SLC2A7: variants seen among roughly 807,000 people sequenced by gnomAD.
SLC2A7 encodes the protein solute carrier family 2, facilitated glucose transporter member 7.
A neutral mutation model predicts 50.5 loss-of-function variants in SLC2A7; 50 were observed. The ratio of observed to expected loss-of-function variants is 0.99; its 90% CI spans 0.79 to 1.25. SLC2A7 has a LOEUF of 1.25. SLC2A7 is among the 50% of genes most tolerant of loss of function. SLC2A7 has a pLI of 0.00. For missense variants in SLC2A7, 683 were observed against 679.1 expected (o/e 1.01, Z -0.06); for synonymous variants, 308 against 300.4 (o/e 1.03, Z -0.26).
downstream of SLC2A7, among the ~76,000 whole-genome samples, chr1:9,002,229 C>A (rs1293865527): frequency 2.0e-5 from 3 of 152,110 alleles, no homozygotes; most frequent in African/African-American, 7.2e-5. Context: ...CGTCCCCCAG[C>A]CCGACACCCG....
chr1:9,025,417 C>T (rs537822066), intron 1 of SLC2A7, among the ~76,000 whole-genome samples: 13 of 152,332 alleles, frequency 8.5e-5, no homozygotes, highest in African/African-American at 3.1e-4. Flanking sequence ...GGAGCCCACC[C>T]CGTCCAAGAA....
chr1:8,995,080 G>A, the SLC2A7 span, among the ~76,000 whole-genome samples: 7 of 150,780 alleles, frequency 4.6e-5, no homozygotes, highest in Non-Finnish European at 8.9e-5. Flanking sequence ...CAGATCTCCT[G>A]ATTATTTTCA....
At chr1:8,993,920 C>A in the SLC2A7 span, among the ~76,000 whole-genome samples, 1 of 152,208 alleles carries the variant, frequency 6.6e-6, no homozygotes, top group Non-Finnish European at 1.5e-5. Flanking sequence ...AGCCACAGCG[C>A]CTGGCCACCC....
intron 10 of SLC2A7, among the ~76,000 whole-genome samples, chr1:9,006,899 G>A (rs1211345654): frequency 2.0e-5 from 3 of 152,200 alleles, no homozygotes; most frequent in Admixed American, 2.0e-4. Flanking sequence ...GACTGTAGCT[G>A]GCAGTCAGCG....
chr1:9,009,353 G>A (rs66463959), intron 9 of SLC2A7, among the ~76,000 whole-genome samples: 25,048 of 152,190 alleles, frequency 0.16, 2,244 homozygotes, highest in Admixed American at 0.2. Flanking sequence ...TCCGTAGAAC[G>A]TGGATAATAC....
rs1439838773 is a variant in SLC2A7 at position 9,008,901 on chromosome 1, C to T, written c.1116+1242G>A. On this transcript the variant is annotated intron_variant, in intron 9 of 11. Transcript: ENST00000400906. This position sits in a 1 kb window ranked among gnomAD's most constrained non-coding sequence, Gnocchi z 5.9. ...GTGAGCCACTGCGTCTGGCTGAGAA[C>T]TTATACTGGTTTTAAAATTAAAGAA... is the stretch of plus-strand genomic sequence containing the variant. Among the ~76,000 whole-genome samples the T allele has an allele frequency of 1.3e-5, 2 of 152,178 alleles. No individual in the cohort carries two copies. Among genetic ancestry groups the T allele is most frequent in the Non-Finnish European group, 2.9e-5 (2 of 68,028 alleles).
rs762447276 is a variant in SLC2A7, at chr1:9,018,358, G to A, written c.454C>T (p.Leu152Phe). 3.1e-6 allele frequency: 5 copies of A among 1,614,208 alleles called. No individual in the cohort carries two copies. In the Admixed American group the frequency reaches 8.3e-5, roughly 27 times the overall value. ...GCCAGTTCTCCCAGGTACATGGGAAGGGCGCTGTAGGAGATGCCTGGTTTG... is the reference window on the plus strand; with the variant it reads ...GCCAGTTCTCCCAGGTACATGGGAAAGGCGCTGTAGGAGATGCCTGGTTTG... ...GVCAGISYSA[L>F]PMYLGELAPK... Residue 152 changes from leucine to phenylalanine, a missense_variant, in exon 5 of 12, where the codon CTT (leucine) becomes TTT (phenylalanine). Transcript: ENST00000400906.
chr1:9,010,086 G>A, intron 9 of SLC2A7, 57 bp downstream of exon 9: 8 of 1,499,876 alleles, frequency 5.3e-6, no homozygotes, highest in Middle Eastern at 1.7e-4. Context: ...GTTCAGTCAG[G>A]GGACCTCCCA....
At chr1:9,007,676 A>G (rs564414279) in intron 9 of SLC2A7, among the ~76,000 whole-genome samples, 1 of 151,886 alleles carries the variant, frequency 6.6e-6, no homozygotes, top group South Asian at 2.1e-4. Context: ...TTTACAAATC[A>G]CAAATATTAA....
intron 3 of SLC2A7, 35 bp from the exon 4 acceptor site, chr1:9,019,368 G>GT (rs766664967): frequency 3.1e-6 from 5 of 1,610,720 alleles, no homozygotes; most frequent in African/African-American, 1.3e-5. Context: ...GCAGGGGTGC[G>GT]TGGAGGCCGC....
At chr1:9,015,274 G>A (rs1440959590) in intron 5 of SLC2A7, 32 bp from the exon 6 acceptor site, 1 of 1,546,736 alleles carries the variant, frequency 6.5e-7, no homozygotes, top group Admixed American at 1.9e-5. Flanking sequence ...GGATCCCGGG[G>A]CCTGGGCACC....
intron 9 of SLC2A7, among the ~76,000 whole-genome samples, chr1:9,009,583 A>T (rs1640712879): frequency 6.6e-6 from 1 of 152,156 alleles, no homozygotes; most frequent in African/African-American, 2.4e-5. Context: ...CAGCTTCCTG[A>T]GTAGCTGGGA....
rs1256811281 is a variant in SLC2A7, at chr1:9,007,176, A to G, written c.1192+134T>C. The G allele has an allele frequency of 1.7e-5, 17 of 987,500 alleles. 1 individual carries two copies. Among genetic ancestry groups the G allele is most frequent in the Non-Finnish European group, 2.6e-5 (17 of 641,916 alleles). 61.2% of individuals were successfully genotyped at this position (987,500 alleles called of 1,614,324 possible). A position where few individuals can be genotyped will look rare whatever the true frequency, so the allele number is the denominator to read the frequency against. On this transcript the variant is annotated intron_variant, in intron 10 of 11. Coordinates refer to ENST00000400906, the MANE Select transcript of SLC2A7 (RefSeq NM_207420.3). ...GTGCCATCAAGGCTGAGAACTAAGA[A>G]CGTGTGGGATCTGCGTGAGCACGGG... is the stretch of plus-strand genomic sequence containing the variant.
At chr1:8,994,626 C>A in the SLC2A7 span, among the ~76,000 whole-genome samples, 2 of 152,154 alleles carry the variant, frequency 1.3e-5, no homozygotes, top group Admixed American at 1.3e-4. Flanking sequence ...ACCTCTGTGG[C>A]AGGTGACGGA....
chr1:9,024,885 G>T, intron 2 of SLC2A7, 91 bp downstream of exon 2: 1 of 1,427,900 alleles, frequency 7.0e-7, no homozygotes, highest in Non-Finnish European at 9.8e-7. Context: ...AGGCAAGATG[G>T]CAGCCTCCAC....
rs529526908 is a variant in SLC2A7, at chr1:9,008,744, A to C, written c.1117-1359T>G. ...CCCGAGTAACTGGGATTACAGGCAC[A>C]CGCCACCACACCCGACTAAATTTTG... On this transcript the variant is annotated intron_variant, in intron 9 of 11. Coordinates refer to ENST00000400906, the MANE Select transcript of SLC2A7 (RefSeq NM_207420.3). This position sits in a 1 kb window ranked among gnomAD's most constrained non-coding sequence, Gnocchi z 5.9. Among the ~76,000 whole-genome samples, 1 of 151,854 alleles carries C rather than the reference A, an allele frequency of 6.6e-6. No homozygotes were observed. Among genetic ancestry groups the C allele is most frequent in the African/African-American group, 2.4e-5 (1 of 41,314 alleles).
intron 8 of SLC2A7, among the ~76,000 whole-genome samples, chr1:9,011,573 A>G (rs2124247723): frequency 6.6e-6 from 1 of 152,114 alleles, no homozygotes; most frequent in East Asian, 1.9e-4. Context: ...CATTGAGGCC[A>G]TCTGGAATCT....
chr1:9,019,375 C>T (rs534427749), intron 3 of SLC2A7, 42 bp from the exon 4 acceptor site: 1 of 1,606,780 alleles, frequency 6.2e-7, no homozygotes, highest in East Asian at 2.2e-5. Context: ...TGCGTGGAGG[C>T]CGCGGAAGCC....
At chr1:9,022,211 G>A (rs1640922176) in intron 3 of SLC2A7, among the ~76,000 whole-genome samples, 1 of 152,158 alleles carries the variant, frequency 6.6e-6, no homozygotes, top group African/African-American at 2.4e-5. Flanking sequence ...TGTCTAACCT[G>A]GCACACCATG....
Sources: gnomAD v4.1 joint callset for allele counts (sites outside exome capture counted in the v4.1 genomes callset) on GRCh38, gnomAD v4.1.1 for gene constraint, Gnocchi (gnomAD v3.1) non-coding constraint, MANE v1.5 for transcripts, NCBI Gene and HGNC (gene_info 2026-07-23, HGNC 2026-07-21) for gene names.